Variants in POLB observed in about 807,000 individuals in gnomAD.
The protein encoded by POLB is 5'-dRP lyase.
Under a neutral mutation model 52.7 loss-of-function variants are expected in POLB, and 37 were observed. The ratio of observed to expected loss-of-function variants is 0.70; its 90% CI spans 0.54 to 0.92. POLB has a LOEUF of 0.92. Ranked by LOEUF, POLB falls within the 40% of genes least tolerant of loss-of-function variation. The probability of loss-of-function intolerance (pLI) is 0.00; values close to 1 mark genes in which losing one functional copy is unlikely to be tolerated. For synonymous variants in POLB, 138 were observed against 131.3 expected, an observed-to-expected ratio of 1.05 and a Z score of -0.35; for missense variants, 313 against 400.8, an observed-to-expected ratio of 0.78 and a Z score of 1.87.
chr8:42,370,967 A>G (rs1824350199), intron 13 of POLB, among the ~76,000 whole-genome samples: 1 of 152,206 alleles, frequency 6.6e-6, no homozygotes, highest in South Asian at 2.1e-4. Flanking sequence ...AAAGGAACTC[A>G]CTAGAGTATA....
At chr8:42,359,143 CCTT>C (rs1823516088) in intron 9 of POLB, among the ~76,000 whole-genome samples, 1 of 152,166 alleles carries the variant, frequency 6.6e-6, no homozygotes, top group Non-Finnish European at 1.5e-5. Context: ...CTTTCCTACT[CCTT>C]CTAAGTCCCA....
intron 2 of POLB, chr8:42,342,295 C>G: frequency 6.5e-7 from 1 of 1,536,314 alleles, no homozygotes; most frequent in Non-Finnish European, 8.9e-7. Context: ...CTTGTCCATG[C>G]CAAACCTATT....
chr8:42,349,317 G>A (rs578190402), intron 4 of POLB: 13 of 381,750 alleles, frequency 3.4e-5, no homozygotes, highest in African/African-American at 2.5e-4. Flanking sequence ...TTGGCTCATC[G>A]TTTTCAGTAC....
intron 3 of POLB, 57 bp downstream of exon 3, chr8:42,345,076 T>A: frequency 1.7e-6 from 2 of 1,202,250 alleles, no homozygotes; most frequent in South Asian, 1.2e-5. Context: ...TTTGGTGGGT[T>A]CCCACCAAAC....
chr8:42,369,178 A>G (rs755471298), intron 11 of POLB, 93 bp from the exon 12 acceptor site: 6 of 728,928 alleles, frequency 8.2e-6, no homozygotes, highest in Non-Finnish European at 1.4e-5. Flanking sequence ...AGCTGCTAAC[A>G]TTAAAAACAA....
intron 13 of POLB, 113 bp from the exon 14 acceptor site, chr8:42,371,450 C>T: frequency 2.2e-6 from 1 of 452,956 alleles, no homozygotes; most frequent in African/African-American, 2.0e-5. Flanking sequence ...GACTTGGTTA[C>T]CATTTTCTTT....
Position 42,349,989 on chromosome 8 carries a change from C to CTTTTTTTTTTTTT in POLB, c.262-8_262-7insTTTTTTTTTTTTT. 7.0e-7 allele frequency: 1 copy of CTTTTTTTTTTTTT among 1,424,184 alleles called. No individual in the cohort carries two copies. The highest frequency in any genetic ancestry group is 9.7e-7 in the Non-Finnish European group (1 of 1,028,746). The allele number at this position is 1,424,184 out of a possible 1,614,324, so 88.2% of individuals were successfully genotyped here. ...AAAGCATTCCTAAATCATTGTTAGA[C>CTTTTTTTTTTTTT]TTTTTTTTTTCTTAAAGATTCGGCA... On this transcript the variant is annotated splice_polypyrimidine_tract_variant and intron_variant, in intron 4 of 13. Coordinates refer to ENST00000265421, the MANE Select transcript of POLB (RefSeq NM_002690.3).
intron 2 of POLB, 104 bp downstream of exon 2, chr8:42,339,173 A>G (rs1477173277): frequency 5.5e-6 from 5 of 904,618 alleles, no homozygotes; most frequent in Middle Eastern, 2.1e-4. Context: ...TCCATCTGCA[A>G]GAGCGGGAAA....
At chr8:42,359,521 ATTTTTTT>A (rs900964546) in intron 9 of POLB, among the ~76,000 whole-genome samples, 11 of 110,534 alleles carry the variant, frequency 1.0e-4, no homozygotes, top group Non-Finnish European at 1.8e-4. Flanking sequence ...CACCCGGCTA[ATTTTTTT>A]TTTTTTTTTT....
intron 9 of POLB, among the ~76,000 whole-genome samples, chr8:42,358,996 A>G (rs1055005912): frequency 6.6e-6 from 1 of 152,202 alleles, no homozygotes; most frequent in Non-Finnish European, 1.5e-5. Flanking sequence ...AATGCATGCT[A>G]TGTTGGCTAT....
chr8:42,340,555 G>T (rs890012744), intron 2 of POLB, among the ~76,000 whole-genome samples: 12 of 152,206 alleles, frequency 7.9e-5, no homozygotes, highest in Admixed American at 3.3e-4. Context: ...TTTCAGATAA[G>T]GGATAGTTAA....
At chr8:42,365,991 T>TG (rs1585917833) in intron 11 of POLB, among the ~76,000 whole-genome samples, 2 of 151,746 alleles carry the variant, frequency 1.3e-5, no homozygotes, top group Admixed American at 1.3e-4. Flanking sequence ...TCCCAGCTAC[T>TG]GGGGAGGCTG....
chr8:42,341,898 C>G lies in POLB; in HGVS notation c.119+2829C>G, dbSNP rs190408657. On this transcript the variant is annotated intron_variant, in intron 2 of 13. Transcript: ENST00000265421. ...TTAACTTCTTTCTTGAGCTTCTTTT[C>G]ATAGACTGGATTCTCTCCTATAGCA... is the stretch of plus-strand genomic sequence containing the variant. The G allele has an allele frequency of 6.9e-4, 432 of 629,596 alleles. 4 individuals are homozygous for G. In the Admixed American group the frequency reaches 8.4e-3, roughly 12 times the overall value. The allele number at this position is 629,596 out of a possible 1,614,324, so 39.0% of individuals were successfully genotyped here.
At chr8:42,366,217 A>G (rs1179963064) in intron 11 of POLB, among the ~76,000 whole-genome samples, 1 of 152,186 alleles carries the variant, frequency 6.6e-6, no homozygotes, top group Non-Finnish European at 1.5e-5. Flanking sequence ...GGGTTATCCC[A>G]GTACATGTGC....
chr8:42,359,039 T>A (rs1436593897), intron 9 of POLB, among the ~76,000 whole-genome samples: 1 of 152,224 alleles, frequency 6.6e-6, no homozygotes, highest in Non-Finnish European at 1.5e-5. Flanking sequence ...ATTTCTATTT[T>A]AATTTTACTT....
chr8:42,352,675 C>A lies in POLB; in HGVS notation c.370+107C>A, dbSNP rs965313040. The A allele has an allele frequency of 3.4e-5, 25 of 732,144 alleles. No individual in the cohort carries two copies. The African/African-American group carries it at 3.9e-4, about 11-fold the overall frequency. 45.4% of individuals were successfully genotyped at this position (732,144 alleles called of 1,614,324 possible). A position where few individuals can be genotyped will look rare whatever the true frequency, so the allele number is the denominator to read the frequency against. On this transcript the variant is annotated intron_variant, in intron 6 of 13. Coordinates refer to ENST00000265421, the MANE Select transcript of POLB (RefSeq NM_002690.3). ...AAAACCCATTCTCAATCAGTAGATACAAAAGATAAGATTTTCTTTTTAACT... is the reference window on the plus strand; with the variant it reads ...AAAACCCATTCTCAATCAGTAGATAAAAAAGATAAGATTTTCTTTTTAACT...
At chr8:42,357,416 T>C in intron 9 of POLB, 24 bp downstream of exon 9, 1 of 1,311,560 alleles carries the variant, frequency 7.6e-7, no homozygotes, top group Non-Finnish European at 1.1e-6. Flanking sequence ...TAATCTTGGG[T>C]TATTTTTGCC....
At chr8:42,346,260 C>T (rs1447737125) in intron 3 of POLB, among the ~76,000 whole-genome samples, 1 of 152,144 alleles carries the variant, frequency 6.6e-6, no homozygotes, top group Admixed American at 6.5e-5. Flanking sequence ...TGATAGTTAT[C>T]ACCTCCTTTT....
intron 6 of POLB, chr8:42,354,343 G>A (rs148453724): frequency 1.1e-3 from 557 of 506,830 alleles, no homozygotes; most frequent in African/African-American, 1.0e-2. Context: ...GAGGGAATGT[G>A]TATATTTGTG....
Sources: gnomAD v4.1 joint callset for allele counts (sites outside exome capture counted in the v4.1 genomes callset) on GRCh38, gnomAD v4.1.1 for gene constraint, MANE v1.5 for transcripts, NCBI Gene and HGNC (gene_info 2026-07-23, HGNC 2026-07-21) for gene names.